The following RAD51B variants were observed in gnomAD, a reference collection of about 807,000 sequenced individuals.
RAD51B encodes DNA repair protein RAD51 homolog 2.
RAD51B carries 38 observed loss-of-function variants against 42.2 expected under a neutral mutation model. That is an observed-to-expected ratio of 0.90 (90% CI 0.70 to 1.18). RAD51B has a LOEUF of 1.18. RAD51B is among the 50% of genes most tolerant of loss of function. The pLI, the probability that RAD51B is intolerant of heterozygous loss-of-function variation, is 0.00. For missense variants in RAD51B, 373 were observed against 400.7 expected (o/e 0.93, Z 0.59); for synonymous variants, 154 against 145.2 (o/e 1.06, Z -0.43).
At chr14:68,645,501 T>C (rs1181505922) in intron 10 of RAD51B, among the ~76,000 whole-genome samples, 2 of 152,240 alleles carry the variant, frequency 1.3e-5, no homozygotes, top group African/African-American at 4.8e-5. Context: ...TCAGTTATTT[T>C]GGGTATGTAC....
At position 68,336,534 on chromosome 14, in the gene RAD51B, C is replaced by T. The variant is rs190873280; in HGVS notation, c.853+44554C>T. Among the ~76,000 whole-genome samples, 242 of 152,322 alleles carry T rather than the reference C, an allele frequency of 1.6e-3. 1 individual carries two copies. The highest frequency in any genetic ancestry group is 5.4e-3 in the African/African-American group (226 of 41,566). Reference sequence around the variant, plus strand: ...TCCCTGGGGGTGTTACTGTCCAATACATAGATTGCTATTTTGATGCGCTCT... The same window carrying T: ...TCCCTGGGGGTGTTACTGTCCAATATATAGATTGCTATTTTGATGCGCTCT... On this transcript the variant is annotated intron_variant, in intron 8 of 10. Transcript: ENST00000471583.
chr14:68,193,445 A>G (rs942903917), intron 7 of RAD51B, among the ~76,000 whole-genome samples: 2 of 152,196 alleles, frequency 1.3e-5, no homozygotes, highest in Admixed American at 6.5e-5. Flanking sequence ...CAGCCTCCAG[A>G]TAATTGGCTT....
chr14:67,961,134 G>A lies in RAD51B; in HGVS notation c.756+73930G>A, dbSNP rs577742724. Among the ~76,000 whole-genome samples the A allele has an allele frequency of 1.2e-4, 18 of 151,988 alleles. No individual in the cohort carries two copies. The South Asian group carries it at 3.7e-3, about 32-fold the overall frequency. ...TGATTCTCCCACCTCAACCTCCCGA[G>A]TAGCTGGGGCCACAGGTGTGCGCCA... is the stretch of plus-strand genomic sequence containing the variant. On this transcript the variant is annotated intron_variant, in intron 7 of 10. Transcript: ENST00000471583.
intron 7 of RAD51B, among the ~76,000 whole-genome samples, chr14:68,016,572 T>C (rs1322560337): frequency 6.6e-6 from 1 of 152,236 alleles, no homozygotes; most frequent in Non-Finnish European, 1.5e-5. Flanking sequence ...TAGCTTTAAA[T>C]GATGGCTGTG....
intron 10 of RAD51B, among the ~76,000 whole-genome samples, chr14:68,617,182 T>C (rs117297252): frequency 0.03 from 4,560 of 152,308 alleles, 103 homozygotes; most frequent in Middle Eastern, 0.048. Flanking sequence ...TGTTTGTATA[T>C]TTTTAAATCC....
chr14:68,604,405 G>T (rs1010058640), intron 10 of RAD51B, among the ~76,000 whole-genome samples: 2 of 152,204 alleles, frequency 1.3e-5, no homozygotes, highest in African/African-American at 2.4e-5. Flanking sequence ...AATTATCGGT[G>T]GCCACTGAGC....
chr14:68,093,784 A>T (rs1160074120), intron 7 of RAD51B, among the ~76,000 whole-genome samples: 1 of 152,092 alleles, frequency 6.6e-6, no homozygotes, highest in Non-Finnish European at 1.5e-5. Context: ...TGCATTTACA[A>T]AAAAGTAGAT....
intron 7 of RAD51B, among the ~76,000 whole-genome samples, chr14:68,132,744 G>C (rs1323460022): frequency 1.3e-5 from 2 of 152,196 alleles, no homozygotes; most frequent in East Asian, 3.8e-4. Context: ...CAGAGTATTA[G>C]CTCATTTTCC....
intron 8 of RAD51B, among the ~76,000 whole-genome samples, chr14:68,376,064 G>C (rs1460581328): frequency 1.3e-5 from 2 of 152,124 alleles, no homozygotes; most frequent in East Asian, 3.9e-4. Flanking sequence ...CACACCCAAG[G>C]CAAAGCTGTT....
At chr14:68,624,802 T>A (rs1383110450) in intron 10 of RAD51B, among the ~76,000 whole-genome samples, 1 of 152,050 alleles carries the variant, frequency 6.6e-6, no homozygotes, top group African/African-American at 2.4e-5. Context: ...TCCCTCATCA[T>A]CCCTTTTGTT....
chr14:68,497,365 T>G, intron 10 of RAD51B: 1 of 1,217,916 alleles, frequency 8.2e-7, no homozygotes, highest in South Asian at 2.0e-5. Context: ...CATAAGCTGA[T>G]TTGATACCAT....
At chr14:67,904,792 T>A (rs1260133913) in intron 7 of RAD51B, among the ~76,000 whole-genome samples, 1 of 152,062 alleles carries the variant, frequency 6.6e-6, no homozygotes, top group Non-Finnish European at 1.5e-5. Flanking sequence ...TTTCCTCAAA[T>A]TCTCTATAGA....
intron 7 of RAD51B, among the ~76,000 whole-genome samples, chr14:67,929,777 A>G (rs1054104706): frequency 1.3e-5 from 2 of 151,418 alleles, no homozygotes; most frequent in Non-Finnish European, 1.5e-5. Context: ...CTTTATCATT[A>G]TATAATGACC....
chr14:68,540,618 C>T, intron 10 of RAD51B: 2 of 985,318 alleles, frequency 2.0e-6, no homozygotes, highest in Non-Finnish European at 2.4e-6. Flanking sequence ...CACCCCCCAA[C>T]CCAAAGAAAG....
intron 10 of RAD51B, among the ~76,000 whole-genome samples, chr14:68,545,192 T>G (rs1888157932): frequency 6.6e-6 from 1 of 152,230 alleles, no homozygotes. Flanking sequence ...GGTTCATTAT[T>G]CTTTGCTTTG....
chr14:68,519,937 C>A (rs1394972182), intron 10 of RAD51B, among the ~76,000 whole-genome samples: 2 of 152,230 alleles, frequency 1.3e-5, no homozygotes, highest in African/African-American at 4.8e-5. Context: ...GAGAACGTTT[C>A]TTTGCCTAGA....
At chr14:68,381,444 G>C (rs1015154228) in intron 8 of RAD51B, among the ~76,000 whole-genome samples, 1 of 152,154 alleles carries the variant, frequency 6.6e-6, no homozygotes. Context: ...GGGAGGCCGA[G>C]GCAGGCAGAT....
At chr14:68,495,856 C>T (rs1419962134) in intron 10 of RAD51B, among the ~76,000 whole-genome samples, 1 of 152,202 alleles carries the variant, frequency 6.6e-6, no homozygotes, top group African/African-American at 2.4e-5. Flanking sequence ...TCAAGGGACC[C>T]TCAGCCTCAG....
At chr14:67,825,806 T>C (rs1313526853) in intron 3 of RAD51B, among the ~76,000 whole-genome samples, 3 of 152,192 alleles carry the variant, frequency 2.0e-5, no homozygotes, top group Admixed American at 1.3e-4. Context: ...CTCGGCTCAC[T>C]GTAGCCTCTG....
Sources: allele counts gnomAD v4.1 joint callset (sites outside exome capture counted in the v4.1 genomes callset), GRCh38; gene constraint gnomAD v4.1.1; transcripts MANE v1.5; gene names NCBI Gene and HGNC (gene_info 2026-07-23, HGNC 2026-07-21).